Variants in PREX2 observed in about 807,000 individuals in gnomAD.
The protein encoded by PREX2 is phosphatidylinositol 3,4,5-trisphosphate-dependent Rac exchanger 2 protein.
Under a neutral mutation model 203.2 loss-of-function variants are expected in PREX2, and 107 were observed. The ratio of observed to expected loss-of-function variants is 0.53; its 90% CI spans 0.45 to 0.62. PREX2 has a LOEUF of 0.62. PREX2 is among the 20% of genes least tolerant of loss of function. The pLI is 0.00. For missense variants in PREX2, 1,777 were observed against 1,955.9 expected (o/e 0.91, Z 1.72); for synonymous variants, 672 against 663.6 (o/e 1.01, Z -0.19).
chr8:68,084,020 A>G (rs2129612010), intron 18 of PREX2, among the ~76,000 whole-genome samples: 1 of 152,282 alleles, frequency 6.6e-6, no homozygotes. Flanking sequence ...AAAGTTTTTA[A>G]AGTATTGGTA....
chr8:68,027,090 T>C lies in PREX2; in HGVS notation c.442-132T>C, dbSNP rs1029201963. ...CTCTCTGTGAGTGTTTGTGACTGAA[T>C]ATGCTCTTCTTAGAGAAAGAAAGTA... is the stretch of plus-strand genomic sequence containing the variant. On this transcript the variant is annotated intron_variant, in intron 4 of 39. Coordinates refer to ENST00000288368, the MANE Select transcript of PREX2 (RefSeq NM_024870.4). 6.7e-5 allele frequency: 46 copies of C among 684,254 alleles called. 1 individual carries two copies. The highest frequency in any genetic ancestry group is 1.1e-4 in the Non-Finnish European group (42 of 383,764). 42.4% of individuals were successfully genotyped at this position (684,254 alleles called of 1,614,324 possible).
chr8:68,166,145 C>T (rs865776813), intron 35 of PREX2, among the ~76,000 whole-genome samples: 1 of 152,246 alleles, frequency 6.6e-6, no homozygotes. Context: ...AGACTGAAGC[C>T]CTCATTCGTA....
At chr8:68,130,844 C>T (rs1810995202) in intron 31 of PREX2, among the ~76,000 whole-genome samples, 1 of 152,138 alleles carries the variant, frequency 6.6e-6, no homozygotes, top group Non-Finnish European at 1.5e-5. Flanking sequence ...TCTATGGTGA[C>T]CAGAAGAAGA....
At chr8:67,990,395 A>T (rs910294285) in intron 1 of PREX2, among the ~76,000 whole-genome samples, 1 of 133,712 alleles carries the variant, frequency 7.5e-6, no homozygotes, top group South Asian at 2.2e-4. Flanking sequence ...ATGGGAGATT[A>T]AAAAAAAAAA....
chr8:68,231,609 C>A lies in PREX2; in HGVS notation c.*231C>A. ...AGTTCAGCTTCACGAACTGATGTCT[C>A]TCTGTATTGACATTAAGTATTCACT... On this transcript the variant is annotated 3_prime_UTR_variant, in exon 40 of 40. Coordinates refer to ENST00000288368, the MANE Select transcript of PREX2 (RefSeq NM_024870.4). 1 of 382,624 alleles carries A rather than the reference C, an allele frequency of 2.6e-6. No individual in the cohort carries two copies. 23.7% of individuals were successfully genotyped at this position (382,624 alleles called of 1,614,324 possible).
At chr8:68,125,521 G>T (rs925750285) in intron 30 of PREX2, among the ~76,000 whole-genome samples, 1 of 152,102 alleles carries the variant, frequency 6.6e-6, no homozygotes, top group Non-Finnish European at 1.5e-5. Context: ...ATTAAACTGT[G>T]TGTAGAAGAG....
At chr8:68,096,597 C>T (rs1810082021) in intron 21 of PREX2, among the ~76,000 whole-genome samples, 1 of 152,158 alleles carries the variant, frequency 6.6e-6, no homozygotes, top group African/African-American at 2.4e-5. Flanking sequence ...CATCTCCTTT[C>T]TGCTTCTTCA....
At chr8:68,109,698 C>A in intron 25 of PREX2, 75 bp downstream of exon 25, 1 of 1,216,790 alleles carries the variant, frequency 8.2e-7, no homozygotes, top group Non-Finnish European at 1.2e-6. Context: ...AAAATTCAAT[C>A]ATTCTCTCTT....
chr8:68,186,872 T>A (rs1812201150), intron 35 of PREX2, among the ~76,000 whole-genome samples: 1 of 152,194 alleles, frequency 6.6e-6, no homozygotes, highest in Non-Finnish European at 1.5e-5. Context: ...GTGGGCTACA[T>A]TTTAGACCTT....
At chr8:68,205,402 G>A (rs1812601543) in intron 37 of PREX2, among the ~76,000 whole-genome samples, 1 of 152,142 alleles carries the variant, frequency 6.6e-6, no homozygotes, top group South Asian at 2.1e-4. Flanking sequence ...CATTCTCACT[G>A]ACTTGTAGCA....
Position 68,109,571 on chromosome 8 carries a change from A to G in PREX2, c.3094A>G (p.Lys1032Glu). The G allele has an allele frequency of 6.2e-7, 1 of 1,614,072 alleles. No individual in the cohort carries two copies. Among genetic ancestry groups the G allele is most frequent in the South Asian group, 1.1e-5 (1 of 91,080 alleles). Reference sequence around the variant, plus strand: ...AGACATCTATCAGAAACTGCTGGGCAAACTTCAGACTGCACTGAAAGAGGT... The same window carrying G: ...AGACATCTATCAGAAACTGCTGGGCGAACTTCAGACTGCACTGAAAGAGGT... ...TQDIYQKLLG[K>E]LQTALKEVEM... Residue 1032 changes from lysine to glutamate, a missense_variant, in exon 25 of 40, where the codon AAA becomes GAA. Lys to Glu is a moderately conservative substitution (Grantham distance 56). Transcript: ENST00000288368.
chr8:68,093,265 C>G (rs1210767702), intron 20 of PREX2, among the ~76,000 whole-genome samples: 3 of 151,566 alleles, frequency 2.0e-5, no homozygotes, highest in Non-Finnish European at 2.9e-5. Context: ...TAGTGCATGC[C>G]TGTAATGCCA....
intron 35 of PREX2, among the ~76,000 whole-genome samples, chr8:68,179,031 C>T (rs1229742937): frequency 1.3e-5 from 2 of 151,828 alleles, no homozygotes; most frequent in African/African-American, 4.8e-5. Flanking sequence ...AGTTTTTATA[C>T]ACTTTTGGTT....
intron 31 of PREX2, among the ~76,000 whole-genome samples, chr8:68,132,219 T>C (rs950103006): frequency 3.3e-5 from 5 of 152,282 alleles, no homozygotes; most frequent in Admixed American, 2.6e-4. Context: ...AAACATTTGT[T>C]CAATGTCTAC....
chr8:68,152,075 G>C (rs1182204025), intron 34 of PREX2, among the ~76,000 whole-genome samples: 1 of 151,546 alleles, frequency 6.6e-6, no homozygotes, highest in Non-Finnish European at 1.5e-5. Context: ...GGATCACGAG[G>C]TCAGGAAATC....
intron 7 of PREX2, 104 bp downstream of exon 7, chr8:68,038,396 C>A: frequency 8.4e-7 from 1 of 1,188,388 alleles, no homozygotes; most frequent in Non-Finnish European, 1.2e-6. Flanking sequence ...CTACCTTTCT[C>A]TCTGTGCTTC....
At chr8:68,184,163 C>T (rs1812140296) in intron 35 of PREX2, among the ~76,000 whole-genome samples, 1 of 152,144 alleles carries the variant, frequency 6.6e-6, no homozygotes, top group Non-Finnish European at 1.5e-5. Context: ...TCCCACCTTT[C>T]CACTCATCGT....
intron 14 of PREX2, among the ~76,000 whole-genome samples, chr8:68,076,381 A>G (rs4265168): frequency 0.53 from 81,073 of 151,878 alleles, 21,644 homozygotes; most frequent in South Asian, 0.56. Flanking sequence ...CGCTTGAACC[A>G]GGGAGGCGGA....
rs183987903 is a variant in PREX2, at chr8:67,955,054, G to T, written c.141+2519G>T. On this transcript the variant is annotated intron_variant, in intron 1 of 39. Transcript: ENST00000288368. ...AGTTACTCAGGAGGCTGAGGCAGGA[G>T]AATCACTTGAACCTGGGAGGTGGAG... is the stretch of plus-strand genomic sequence containing the variant. Among the ~76,000 whole-genome samples the T allele has an allele frequency of 2.1e-5, 3 of 142,044 alleles. No homozygotes were observed. In the Admixed American group the frequency reaches 2.3e-4, roughly 11 times the overall value. 93.2% of individuals were successfully genotyped at this position (142,044 alleles called of 152,430 possible). A position where few individuals can be genotyped will look rare whatever the true frequency, so the allele number is the denominator to read the frequency against.
Sources: allele counts gnomAD v4.1 joint callset (sites outside exome capture counted in the v4.1 genomes callset), GRCh38; gene constraint gnomAD v4.1.1; transcripts MANE v1.5; gene names NCBI Gene and HGNC (gene_info 2026-07-23, HGNC 2026-07-21).